The following EVPL variants were observed in gnomAD, a reference collection of about 807,000 sequenced individuals.
EVPL encodes the protein 210 kDa cornified envelope precursor protein.
A neutral mutation model predicts 129.7 loss-of-function variants in EVPL; 94 were observed. The observed-to-expected ratio is 0.72, with a 90% CI of 0.61 to 0.86. The LOEUF (loss-of-function observed/expected upper bound fraction) is 0.86. Ranked by LOEUF, EVPL falls within the 40% of genes least tolerant of loss-of-function variation. EVPL has a pLI of 0.00. For missense variants in EVPL, 2,625 were observed against 2,721.1 expected, an observed-to-expected ratio of 0.96 and a Z score of 0.79; for synonymous variants, 1,172 against 1,191.1, an observed-to-expected ratio of 0.98 and a Z score of 0.33.
rs371237127 is a variant in EVPL, at chr17:76,025,664, G to A, written c.98+1437C>T. ...GAGAGTCTTAACCACTGTCTTTCCCGTCCGCCCAGACACCCAGCCTCGGTG... is the reference window on the plus strand; with the variant it reads ...GAGAGTCTTAACCACTGTCTTTCCCATCCGCCCAGACACCCAGCCTCGGTG... On this transcript the variant is annotated intron_variant, in intron 1 of 21. Coordinates refer to ENST00000301607, the MANE Select transcript of EVPL (RefSeq NM_001988.4). Among the ~76,000 whole-genome samples, 42 of 152,304 alleles carry A rather than the reference G, an allele frequency of 2.8e-4. No homozygotes were observed. The South Asian group carries it at 6.2e-3, about 23-fold the overall frequency.
In EVPL at chr17:76,009,250, G is replaced by GCACCACCTCCTTGCT. The variant is rs1567907581; in HGVS notation, c.3940_3954dup (p.Ser1314_Val1318dup). On this transcript the variant is annotated inframe_insertion, in exon 22 of 22. Coordinates refer to ENST00000301607, the MANE Select transcript of EVPL (RefSeq NM_001988.4). This position sits in a 1 kb window ranked among gnomAD's most constrained non-coding sequence, Gnocchi z 5.9. Reference sequence around the variant, plus strand: ...TCCAGCACCGGGTCCTTCTCGTGGCGCACCACCTCCTTGCTCACCGTCTTG... The same window carrying GCACCACCTCCTTGCT: ...TCCAGCACCGGGTCCTTCTCGTGGCGCACCACCTCCTTGCTCACCACCTCCTTGCTCACCGTCTTG... The GCACCACCTCCTTGCT allele has an allele frequency of 7.5e-6, 12 of 1,607,432 alleles. No individual in the cohort carries two copies. Among genetic ancestry groups the GCACCACCTCCTTGCT allele is most frequent in the Middle Eastern group, 3.3e-4 (2 of 6,082 alleles).
Position 76,009,529 on chromosome 17 carries a change from C to T in EVPL, c.3676G>A (p.Gly1226Ser), listed in dbSNP as rs200731297. 2.9e-5 allele frequency: 47 copies of T among 1,614,122 alleles called. No individual in the cohort carries two copies. In the African/African-American group the frequency reaches 3.3e-4, roughly 11 times the overall value. The stretch of plus-strand genomic sequence containing the variant: ...AGCTTCTCCACCTCCTTCTCCACAC[C>T]GCTCCTCTTGCCCGCCATCTCCTGC... ...KLQEMAGKRS[G>S]VEKEVEKLLP... The change falls in exon 22 of 22, where the codon GGT (glycine) becomes AGT (serine). Residue 1226 changes from glycine (G) to serine (S), a missense_variant. By Grantham distance (56) the Gly-to-Ser change is moderately conservative. Transcript: ENST00000301607. This position sits in a 1 kb window ranked among gnomAD's most constrained non-coding sequence, Gnocchi z 5.9.
rs566323938 is a variant in EVPL, at chr17:76,024,189, C to G, written c.99-69G>C. 6.4e-5 allele frequency: 90 copies of G among 1,414,146 alleles called. 1 individual carries two copies. In the African/African-American group the frequency reaches 1.0e-3, roughly 16 times the overall value. 87.6% of individuals were successfully genotyped at this position (1,414,146 alleles called of 1,614,324 possible). A position where few individuals can be genotyped will look rare whatever the true frequency, so the allele number is the denominator to read the frequency against. On this transcript the variant is annotated intron_variant, in intron 1 of 21. Coordinates refer to ENST00000301607, the MANE Select transcript of EVPL (RefSeq NM_001988.4). This position sits in a 1 kb window ranked among gnomAD's most constrained non-coding sequence, Gnocchi z 4.5. ...CCTCTGTGCCCCATCCAGGTGGCAT[C>G]CCCTGCCCTCCCTCCACCCCATCCT...
In EVPL at chr17:76,012,943, A is replaced by G. The variant is rs553878590; in HGVS notation, c.2374-854T>C. ...GTATTTTTAGTAGAGATGGGGTTTC[A>G]CCGTGTTAGCCAGGATGGTCTCGAT... On this transcript the variant is annotated intron_variant, in intron 18 of 21. Transcript: ENST00000301607. Among the ~76,000 whole-genome samples the G allele has an allele frequency of 2.7e-3, 402 of 151,294 alleles. 1 individual carries two copies. The highest frequency in any genetic ancestry group is 9.2e-3 in the African/African-American group (378 of 41,268).
chr17:76,018,306 T>G, intron 12 of EVPL, 48 bp from the exon 13 acceptor site: 1 of 1,519,876 alleles, frequency 6.6e-7, no homozygotes, highest in Non-Finnish European at 8.9e-7. Context: ...TCTGCCTCTC[T>G]CCCTCCCCAG....
At chr17:76,019,389 A>G (rs2066441635) in intron 10 of EVPL, 139 bp downstream of exon 10, 1 of 1,139,406 alleles carries the variant, frequency 8.8e-7, no homozygotes, top group Admixed American at 3.0e-5. Flanking sequence ...GCCTCCTGCT[A>G]GAGTAAACCC....
Position 76,007,399 on chromosome 17 carries a change from G to A in EVPL, c.5806C>T (p.Gln1936Ter). 1.2e-6 allele frequency: 2 copies of A among 1,602,654 alleles called. No homozygotes were observed. The highest frequency in any genetic ancestry group is 1.7e-6 in the Non-Finnish European group (2 of 1,172,756). The change falls in exon 22 of 22, where the codon CAG (glutamine) becomes TAG (stop). Residue 1936 changes from glutamine (Q) to a stop codon, truncating the protein, a stop_gained. Coordinates refer to ENST00000301607, the MANE Select transcript of EVPL (RefSeq NM_001988.4). LOFTEE classifies it low-confidence loss of function (END_TRUNC). This position sits in a 1 kb window ranked among gnomAD's most constrained non-coding sequence, Gnocchi z 8.8. Reference protein sequence around the residue: ...MPRESVLPHLQVQHLTGGLID... With the variant: ...MPRESVLPHL The stretch of plus-strand genomic sequence containing the variant: ...AGCCCCCCGGTCAGGTGCTGCACCT[G>A]CAGGTGTGGGAGCACGCTCTCCCGG...
At chr17:76,027,061 AC>A in intron 1 of EVPL, 39 bp downstream of exon 1, 1 of 1,217,574 alleles carries the variant, frequency 8.2e-7, no homozygotes, top group Non-Finnish European at 1.1e-6. Context: ...CACCACCCCC[AC>A]CCCAGTTCCC....
chr17:76,027,241 G>A lies in EVPL; in HGVS notation c.-43C>T, dbSNP rs375539683. 74 of 1,459,662 alleles carry A rather than the reference G, an allele frequency of 5.1e-5. 3 individuals are homozygous for A. In the South Asian group the frequency reaches 7.1e-4, roughly 14 times the overall value. The allele number at this position is 1,459,662 out of a possible 1,614,324, so 90.4% of individuals were successfully genotyped here. A position where few individuals can be genotyped will look rare whatever the true frequency, so the allele number is the denominator to read the frequency against. On this transcript the variant is annotated 5_prime_UTR_variant, in exon 1 of 22. Coordinates refer to ENST00000301607, the MANE Select transcript of EVPL (RefSeq NM_001988.4). ...CTGGCTCAGGCTGGGCTTGGCTGGC[G>A]AAAGACGGCAGGAGGGCAGGTGGGA...
chr17:76,025,582 C>T (rs2066492954), intron 1 of EVPL, among the ~76,000 whole-genome samples: 1 of 152,184 alleles, frequency 6.6e-6, no homozygotes, highest in Admixed American at 6.5e-5. Flanking sequence ...CACACTCCAC[C>T]CTGGGTGGGG....
In EVPL at chr17:76,008,476, C is replaced by A; in HGVS notation, c.4729G>T (p.Glu1577Ter). ...AETLGRTWSR[E>*]ESELQRARDQ... ...CGGGCCCTCTGCAGCTCGGACTCCT[C>A]CCGGGACCAGGTTCTCCCCAGCGTC... Residue 1577 changes from glutamate to a stop codon, truncating the protein, a stop_gained, in exon 22 of 22, where the codon GAG (glutamate) becomes TAG (stop). Transcript: ENST00000301607. LOFTEE classifies it low-confidence loss of function (END_TRUNC). This position sits in a 1 kb window ranked among gnomAD's most constrained non-coding sequence, Gnocchi z 7.4. 2 of 1,598,178 alleles carry A rather than the reference C, an allele frequency of 1.3e-6. No individual in the cohort carries two copies. Among genetic ancestry groups the A allele is most frequent in the East Asian group, 2.3e-5 (1 of 44,424 alleles).
rs150035551 is a variant in EVPL at position 76,011,057 on chromosome 17, G to A, written c.2662-514C>T. Among the ~76,000 whole-genome samples the A allele has an allele frequency of 1.2e-4, 18 of 152,184 alleles. No individual in the cohort carries two copies. The East Asian group carries it at 2.5e-3, about 21-fold the overall frequency. On this transcript the variant is annotated intron_variant, in intron 21 of 21. Transcript: ENST00000301607. ...AGCCTTGGTGATAGAGCGAGACTCC[G>A]TCTCAAAAAAAACAAAAAACAAAAA...
chr17:76,026,333 C>G (rs938443075), intron 1 of EVPL, among the ~76,000 whole-genome samples: 1 of 151,308 alleles, frequency 6.6e-6, no homozygotes, highest in Non-Finnish European at 1.5e-5. Flanking sequence ...CAGCCTCAAA[C>G]TCCTGGGCTC....
At chr17:76,023,993 G>A (rs764388601) in intron 2 of EVPL, 28 bp downstream of exon 2, 22 of 1,599,782 alleles carry the variant, frequency 1.4e-5, no homozygotes, top group Middle Eastern at 1.9e-4. Flanking sequence ...GCCTGTCCAC[G>A]CCCTGCCAAC....
Position 76,009,574 on chromosome 17 carries a change from T to TGATC in EVPL, c.3627_3630dup (p.Thr1211AspfsTer52). The TGATC allele has an allele frequency of 6.2e-7, 1 of 1,614,070 alleles. No individual in the cohort carries two copies. Among genetic ancestry groups the TGATC allele is most frequent in the Non-Finnish European group, 8.5e-7 (1 of 1,180,026 alleles). On this transcript the variant is annotated frameshift_variant, in exon 22 of 22. Transcript: ENST00000301607. LOFTEE classifies it low-confidence loss of function (END_TRUNC). The surrounding 1 kb of genome is among the most constrained non-coding windows in gnomAD (Gnocchi z 5.9). Reference sequence around the variant, plus strand: ...TCCTGCAGCTTGGCCTTGAGCCGAGTGATCTCCTGCTCTGTCTCCGGATCC... The same window carrying TGATC: ...TCCTGCAGCTTGGCCTTGAGCCGAGTGATCGATCTCCTGCTCTGTCTCCGGATCC...
chr17:76,017,749 T>G lies in EVPL; in HGVS notation c.1700A>C (p.His567Pro), dbSNP rs1304984353. Residue 567 changes from histidine to proline, a missense_variant, in exon 14 of 22, where the codon CAC becomes CCC. Physicochemically the swap from His to Pro is moderately conservative, Grantham distance 77. Coordinates refer to ENST00000301607, the MANE Select transcript of EVPL (RefSeq NM_001988.4). ...CCGCTGCTCACCCACCTCATGGCTG[T>G]GGATGCGGCCCTCCAAGTCCTCCAA... Reference protein sequence around the residue: ...TPLEDLEGRIHSHEGTAQRLQ... With the variant: ...TPLEDLEGRIPSHEGTAQRLQ... 4 of 1,612,172 alleles carry G rather than the reference T, an allele frequency of 2.5e-6. No individual in the cohort carries two copies. The highest frequency in any genetic ancestry group is 3.4e-6 in the Non-Finnish European group (4 of 1,179,820).
At chr17:76,019,967 G>T (rs1022709002) in intron 9 of EVPL, among the ~76,000 whole-genome samples, 1 of 146,594 alleles carries the variant, frequency 6.8e-6, no homozygotes, top group Non-Finnish European at 1.5e-5. Context: ...CACCTAAACC[G>T]AAACCAGCTA....
chr17:76,009,084 TC>T lies in EVPL; in HGVS notation c.4120del (p.Glu1374ArgfsTer18). 6.2e-7 allele frequency: 1 copy of T among 1,613,450 alleles called. No homozygotes were observed. Among genetic ancestry groups the T allele is most frequent in the Non-Finnish European group, 8.5e-7 (1 of 1,179,610 alleles). ...CGGGTCCTTCTGGGTGACCACCACC[TC>T]CTGCACCACCACCTTCTCCTCGGGC... is the stretch of plus-strand genomic sequence containing the variant. ...RKPEEKVVVQEVVVTQKDPKL... is the reference protein window; with the variant it reads ...RKPEEKVVVQXVVVTQKDPKL... On this transcript the variant is annotated frameshift_variant, in exon 22 of 22. Transcript: ENST00000301607. LOFTEE classifies it low-confidence loss of function (END_TRUNC). This position sits in a 1 kb window ranked among gnomAD's most constrained non-coding sequence, Gnocchi z 5.9.
At position 76,023,265 on chromosome 17, in the gene EVPL, A is replaced by G. The variant is rs551104834; in HGVS notation, c.480+27T>C. On this transcript the variant is annotated intron_variant, in intron 4 of 21. Coordinates refer to ENST00000301607, the MANE Select transcript of EVPL (RefSeq NM_001988.4). Reference sequence around the variant, plus strand: ...CAGTTCCGTATCGCCCTCTGATCACACTGGGGTGTGACTTTGAGTTCCTGA... The same window carrying G: ...CAGTTCCGTATCGCCCTCTGATCACGCTGGGGTGTGACTTTGAGTTCCTGA... 66 of 1,613,318 alleles carry G rather than the reference A, an allele frequency of 4.1e-5. No individual in the cohort carries two copies. The South Asian group carries it at 7.0e-4, about 17-fold the overall frequency.
Sources: gnomAD v4.1 joint callset for allele counts (sites outside exome capture counted in the v4.1 genomes callset) on GRCh38, gnomAD v4.1.1 for gene constraint, Gnocchi (gnomAD v3.1) non-coding constraint, MANE v1.5 for transcripts, NCBI Gene and HGNC (gene_info 2026-07-23, HGNC 2026-07-21) for gene names.